The following RERE variants were observed in gnomAD, a reference collection of about 807,000 sequenced individuals.
RERE encodes arginine-glutamic acid dipeptide repeats.
RERE carries 40 observed loss-of-function variants against 146.1 expected under a neutral mutation model. The ratio of observed to expected loss-of-function variants is 0.27; its 90% CI spans 0.21 to 0.36. The LOEUF (loss-of-function observed/expected upper bound fraction) is 0.36, where lower values mean the gene tolerates loss of function less well. Among genes scored for constraint, RERE ranks in the 10% least tolerant of loss-of-function variants. The pLI is 1.00. For missense variants in RERE, 1,933 were observed against 2,138.7 expected (o/e 0.90, Z 1.90); for synonymous variants, 1,003 against 866.0 (o/e 1.16, Z -2.78).
At chr1:8,760,792 T>C (rs1640743052) in intron 1 of RERE, among the ~76,000 whole-genome samples, 1 of 151,944 alleles carries the variant, frequency 6.6e-6, no homozygotes, top group South Asian at 2.1e-4. Flanking sequence ...CAATTTTATA[T>C]TTAAAAAGAG....
At chr1:8,714,137 G>A (rs1011866933) in intron 1 of RERE, among the ~76,000 whole-genome samples, 1 of 152,126 alleles carries the variant, frequency 6.6e-6, no homozygotes, top group Non-Finnish European at 1.5e-5. Flanking sequence ...CTATTTGATA[G>A]TTATAGCTAT....
chr1:8,503,246 G>A (rs1454342832), intron 8 of RERE, among the ~76,000 whole-genome samples: 1 of 151,966 alleles, frequency 6.6e-6, no homozygotes, highest in Non-Finnish European at 1.5e-5. Context: ...ATAAAGCCAC[G>A]AAAAAAATTA....
At chr1:8,374,479 G>T (rs1642163638) in intron 12 of RERE, among the ~76,000 whole-genome samples, 1 of 152,160 alleles carries the variant, frequency 6.6e-6, no homozygotes, top group African/African-American at 2.4e-5. Flanking sequence ...CCTAAGCTCT[G>T]TGTTGTTCTG....
chr1:8,644,570 G>A (rs1268833870), intron 2 of RERE, among the ~76,000 whole-genome samples: 1 of 152,124 alleles, frequency 6.6e-6, no homozygotes, highest in Non-Finnish European at 1.5e-5. Flanking sequence ...TTAGATCATA[G>A]AAAAATGTGT....
chr1:8,718,764 C>T (rs931039931), intron 1 of RERE, among the ~76,000 whole-genome samples: 1 of 152,192 alleles, frequency 6.6e-6, no homozygotes, highest in Non-Finnish European at 1.5e-5. Context: ...TTTCTAACTG[C>T]ATAACCTTGG....
At chr1:8,544,735 T>C (rs1246276372) in intron 6 of RERE, among the ~76,000 whole-genome samples, 1 of 152,208 alleles carries the variant, frequency 6.6e-6, no homozygotes, top group East Asian at 1.9e-4. Context: ...ATCTACATTG[T>C]ACTGTATATT....
intron 11 of RERE, among the ~76,000 whole-genome samples, chr1:8,433,462 A>G (rs902278701): frequency 6.6e-6 from 1 of 152,232 alleles, no homozygotes; most frequent in Non-Finnish European, 1.5e-5. Context: ...CACACAAAAA[A>G]GACCTGTTTC....
intron 7 of RERE, among the ~76,000 whole-genome samples, chr1:8,531,468 A>C (rs1299914926): frequency 6.6e-6 from 1 of 151,964 alleles, no homozygotes; most frequent in Non-Finnish European, 1.5e-5. Context: ...CACAACACAA[A>C]ACAAAACCAA....
chr1:8,685,005 G>A (rs909564606), intron 1 of RERE, among the ~76,000 whole-genome samples: 3 of 152,064 alleles, frequency 2.0e-5, no homozygotes, highest in South Asian at 2.1e-4. Context: ...CCACAGACAC[G>A]TGCCACCACA....
intron 1 of RERE, among the ~76,000 whole-genome samples, chr1:8,802,501 A>G (rs1318110028): frequency 6.6e-6 from 1 of 152,092 alleles, no homozygotes; most frequent in Non-Finnish European, 1.5e-5. Context: ...CCTGCCTCAA[A>G]TCCTCTTAGC....
chr1:8,354,421 T>A lies in RERE; in HGVS notation c.*666A>T, dbSNP rs1641211971. On this transcript the variant is annotated 3_prime_UTR_variant, in exon 23 of 23. Coordinates refer to ENST00000400908, the MANE Select transcript of RERE (RefSeq NM_001042681.2). ...AATTAAAGGGATAATTATATATAAC[T>A]TTTTATTAAAAAATCAACTCTGTAT... 1 of 152,430 alleles carries A rather than the reference T, an allele frequency of 6.6e-6. No homozygotes were observed. The highest frequency in any genetic ancestry group is 1.5e-5 in the Non-Finnish European group (1 of 68,040). 9.4% of individuals were successfully genotyped at this position (152,430 alleles called of 1,614,324 possible). A position where few individuals can be genotyped will look rare whatever the true frequency, so the allele number is the denominator to read the frequency against.
At position 8,628,951 on chromosome 1, in the gene RERE, T is replaced by C. The variant is rs1373247364; in HGVS notation, c.326-4571A>G. 2.0e-5 allele frequency among the ~76,000 whole-genome samples: 3 copies of C among 152,196 alleles called. No individual in the cohort carries two copies. In the East Asian group the frequency reaches 5.8e-4, roughly 29 times the overall value. ...GCACTGCATATACTTCTTTTTTTATTAGAAAGCTAGCAGTTCTGAAAGAAC... is the reference window on the plus strand; with the variant it reads ...GCACTGCATATACTTCTTTTTTTATCAGAAAGCTAGCAGTTCTGAAAGAAC... On this transcript the variant is annotated intron_variant, in intron 2 of 22. Transcript: ENST00000400908.
At chr1:8,414,535 A>T (rs956315551) in intron 12 of RERE, among the ~76,000 whole-genome samples, 3 of 152,114 alleles carry the variant, frequency 2.0e-5, no homozygotes, top group African/African-American at 7.2e-5. Context: ...CAGCCTGGGC[A>T]ACAGAGGGAG....
At chr1:8,465,354 G>C (rs1644581731) in intron 11 of RERE, 1 of 176,926 alleles carries the variant, frequency 5.7e-6, no homozygotes, top group Admixed American at 5.5e-5. Context: ...TGTAATCAAT[G>C]TCCTTTAAGG....
At chr1:8,678,650 G>A (rs554409758) in intron 1 of RERE, among the ~76,000 whole-genome samples, 7 of 145,430 alleles carry the variant, frequency 4.8e-5, no homozygotes, top group Admixed American at 3.3e-4. Flanking sequence ...AGCCGAGATC[G>A]TACCACTGCA....
intron 4 of RERE, among the ~76,000 whole-genome samples, chr1:8,565,897 C>A (rs1291393863): frequency 6.6e-6 from 1 of 152,116 alleles, no homozygotes; most frequent in African/African-American, 2.4e-5. Flanking sequence ...ACATGGGGAC[C>A]AGTGGGTAAG....
intron 11 of RERE, among the ~76,000 whole-genome samples, chr1:8,458,577 GCACACACACATATACATA>G (rs1644483343): frequency 6.6e-6 from 1 of 152,074 alleles, no homozygotes; most frequent in Admixed American, 6.5e-5. Flanking sequence ...GCGCATGCGC[GCACACACACATATACATA>G]CACACACACG....
chr1:8,713,430 A>T (rs1031845198), intron 1 of RERE, among the ~76,000 whole-genome samples: 12 of 152,126 alleles, frequency 7.9e-5, no homozygotes, highest in African/African-American at 2.2e-4. Flanking sequence ...TAAGAAAAAA[A>T]TTTTTTTTAA....
Position 8,750,811 on chromosome 1 carries a change from T to C in RERE, c.-145+66349A>G, listed in dbSNP as rs193047547. On this transcript the variant is annotated intron_variant, in intron 1 of 22. Transcript: ENST00000400908. ...GAACCTTTGTGAAGCTCAACAAGGC[T>C]TCAATTAACATGCTGAGGATTGTAG... 308 of 821,484 alleles carry C rather than the reference T, an allele frequency of 3.7e-4. 2 individuals are homozygous for C. The African/African-American group carries it at 4.6e-3, about 12-fold the overall frequency. 50.9% of individuals were successfully genotyped at this position (821,484 alleles called of 1,614,324 possible). A position where few individuals can be genotyped will look rare whatever the true frequency, so the allele number is the denominator to read the frequency against.
Sources: gnomAD v4.1 joint callset for allele counts (sites outside exome capture counted in the v4.1 genomes callset) on GRCh38, gnomAD v4.1.1 for gene constraint, MANE v1.5 for transcripts, NCBI Gene and HGNC (gene_info 2026-07-23, HGNC 2026-07-21) for gene names.